DPF1: variants seen among roughly 807,000 people sequenced by gnomAD.
The protein encoded by DPF1 is double PHD fingers 1, also known as zinc finger protein neuro-d4.
DPF1 carries 14 observed loss-of-function variants against 58.7 expected under a neutral mutation model. The ratio of observed to expected loss-of-function variants is 0.24; its 90% confidence interval spans 0.16 to 0.37. The LOEUF (loss-of-function observed/expected upper bound fraction) is 0.37, where lower values mean the gene tolerates loss of function less well. Ranked by LOEUF, DPF1 falls within the 10% of genes least tolerant of loss-of-function variation. DPF1 has a pLI of 1.00. For missense variants in DPF1, 345 were observed against 529.9 expected (o/e 0.65, Z 3.43); for synonymous variants, 216 against 216.0 (o/e 1.00, Z 0.00).
intron 3 of DPF1, 98 bp from the exon 4 acceptor site, chr19:38,219,156 A>G (rs1318670890): frequency 2.0e-5 from 30 of 1,508,974 alleles, no homozygotes; most frequent in Non-Finnish European, 2.7e-5. Flanking sequence ...GCAGGAGGGA[A>G]GAGGCTGCAG....
chr19:38,214,011 A>C (rs1189571523), intron 9 of DPF1: 1 of 510,008 alleles, frequency 2.0e-6, no homozygotes, highest in African/African-American at 1.9e-5. Context: ...ACCGCATTCC[A>C]TTACCCACAG....
upstream of DPF1, among the ~76,000 whole-genome samples, chr19:38,229,204 A>G (rs1967946976): frequency 6.6e-6 from 1 of 152,032 alleles, no homozygotes; most frequent in African/African-American, 2.4e-5. The surrounding 1 kb of genome is among the most constrained non-coding windows in gnomAD (Gnocchi z 5.3). Context: ...TCGAGCTTTC[A>G]GCCCCGGCCG....
chr19:38,213,617 G>A, intron 10 of DPF1, 27 bp downstream of exon 10: 2 of 1,601,444 alleles, frequency 1.2e-6, no homozygotes, highest in Non-Finnish European at 1.7e-6. Context: ...CGGGCAGCAG[G>A]GCACGCGGGG....
rs1275958089 is a variant in DPF1, at chr19:38,217,494, G to A, written c.693C>T (p.His231=). Residue 231 remains histidine (H), a synonymous_variant, in exon 7 of 12, where the codon CAC becomes CAT. Transcript: ENST00000355526. ...TGTTTTTCCGGTGGAAGGGCAGGGCGTGGCGTTCGGCGTTCTCCTCCCCCT... is the reference window on the plus strand; with the variant it reads ...TGTTTTTCCGGTGGAAGGGCAGGGCATGGCGTTCGGCGTTCTCCTCCCCCT... ...EEEGEENAER[H]ALPFHRKNNH... is the part of the protein sequence containing the mutation. 5 of 1,551,244 alleles carry A rather than the reference G, an allele frequency of 3.2e-6. No homozygotes were observed. Among genetic ancestry groups the A allele is most frequent in the South Asian group, 1.2e-5 (1 of 84,044 alleles).
At chr19:38,220,364 G>A (rs1434280057) in intron 3 of DPF1, among the ~76,000 whole-genome samples, 1 of 152,138 alleles carries the variant, frequency 6.6e-6, no homozygotes, top group East Asian at 1.9e-4. Context: ...GCTCACGCCT[G>A]TAATCCCAGC....
Position 38,218,199 on chromosome 19 carries a change from CAAAAAAAAG to C in DPF1, c.517-332_517-324del, listed in dbSNP as rs907338877. ...CCTGTGACAGAGCGAGACTCCGTCT[CAAAAAAAAG>C]AAAAAAAAGAAAAAAGAAAGTGAGA... On this transcript the variant is annotated intron_variant, in intron 5 of 11. Coordinates refer to ENST00000355526, the MANE Select transcript of DPF1 (RefSeq NM_001135155.3). Among the ~76,000 whole-genome samples, 8 of 150,518 alleles carry C rather than the reference CAAAAAAAAG, an allele frequency of 5.3e-5. 1 individual carries two copies. The highest frequency in any genetic ancestry group is 4.2e-4 in the South Asian group (2 of 4,766).
chr19:38,222,442 G>A lies in DPF1; in HGVS notation c.213C>T (p.Tyr71=), dbSNP rs750232182. Residue 71 remains tyrosine (Y), a synonymous_variant, in exon 3 of 12, where the codon TAC becomes TAT. Transcript: ENST00000355526. The surrounding 1 kb of genome is among the most constrained non-coding windows in gnomAD (Gnocchi z 4.9). The part of the protein sequence containing the change: ...RGPGLAPGQI[Y]TYPARCWRKK... Reference sequence around the variant, plus strand: ...TCCTCCAACAGCGGGCGGGGTACGTGTAAATCTGTCCCGGGGCCAAACCTG... The same window carrying A: ...TCCTCCAACAGCGGGCGGGGTACGTATAAATCTGTCCCGGGGCCAAACCTG... The A allele has an allele frequency of 1.4e-5, 22 of 1,586,476 alleles. No individual in the cohort carries two copies. The highest frequency in any genetic ancestry group is 1.8e-5 in the Non-Finnish European group (21 of 1,172,122).
chr19:38,212,371 G>A lies in DPF1; in HGVS notation c.1012-10C>T. On this transcript the variant is annotated splice_polypyrimidine_tract_variant and intron_variant, in intron 10 of 11. Transcript: ENST00000355526. ...AAAACAGCAGCTGGTCCTGGGGGGTGAGACCCGCCCAGCTGGCACCCTGGG... is the reference window on the plus strand; with the variant it reads ...AAAACAGCAGCTGGTCCTGGGGGGTAAGACCCGCCCAGCTGGCACCCTGGG... 2.1e-6 allele frequency: 3 copies of A among 1,436,326 alleles called. No individual in the cohort carries two copies. Among genetic ancestry groups the A allele is most frequent in the South Asian group, 3.1e-5 (2 of 63,768 alleles). 89.0% of individuals were successfully genotyped at this position (1,436,326 alleles called of 1,614,324 possible).
chr19:38,222,273 A>C lies in DPF1; in HGVS notation c.298+84T>G. On this transcript the variant is annotated intron_variant, in intron 3 of 11. Coordinates refer to ENST00000355526, the MANE Select transcript of DPF1 (RefSeq NM_001135155.3). The surrounding 1 kb of genome is among the most constrained non-coding windows in gnomAD (Gnocchi z 4.9). ...ACAGCCAGCCAGGCAGACACTTGCT[A>C]GAAGGCGATAAAGGTGATGGACGAG... 1 of 1,193,806 alleles carries C rather than the reference A, an allele frequency of 8.4e-7. No individual in the cohort carries two copies. Among genetic ancestry groups the C allele is most frequent in the Non-Finnish European group, 1.2e-6 (1 of 843,316 alleles). 74.0% of individuals were successfully genotyped at this position (1,193,806 alleles called of 1,614,324 possible). A position where few individuals can be genotyped will look rare whatever the true frequency, so the allele number is the denominator to read the frequency against.
At chr19:38,214,344 A>G (rs1973692332) in intron 9 of DPF1, among the ~76,000 whole-genome samples, 1 of 152,212 alleles carries the variant, frequency 6.6e-6, no homozygotes, top group African/African-American at 2.4e-5. Context: ...CGCAGCCGCT[A>G]CCTGCAGCCA....
At chr19:38,223,298 CAA>C (rs1333135763) in intron 1 of DPF1, 1 of 152,968 alleles carries the variant, frequency 6.5e-6, no homozygotes, top group Admixed American at 6.5e-5. Flanking sequence ...ACAAGCATGT[CAA>C]AAGACAGGAA....
chr19:38,222,439 C>G lies in DPF1; in HGVS notation c.216G>C (p.Thr72=). ...GPGLAPGQIY[T]YPARCWRKKR... is the part of the protein sequence containing the mutation. ...TCTTCCTCCAACAGCGGGCGGGGTA[C>G]GTGTAAATCTGTCCCGGGGCCAAAC... The change falls in exon 3 of 12, where the codon ACG becomes ACC. Residue 72 remains threonine, a synonymous_variant. Transcript: ENST00000355526. The surrounding 1 kb of genome is among the most constrained non-coding windows in gnomAD (Gnocchi z 4.9). 1 of 1,582,164 alleles carries G rather than the reference C, an allele frequency of 6.3e-7. No individual in the cohort carries two copies. The highest frequency in any genetic ancestry group is 8.5e-7 in the Non-Finnish European group (1 of 1,170,440).
Position 38,224,059 on chromosome 19 carries a change from A to G in DPF1, c.29+55T>C. The G allele has an allele frequency of 6.8e-7, 1 of 1,466,732 alleles. No homozygotes were observed. The highest frequency in any genetic ancestry group is 2.9e-5 in the Admixed American group (1 of 34,864). 90.9% of individuals were successfully genotyped at this position (1,466,732 alleles called of 1,614,324 possible). ...CCACCCCCGGTCGCCACACACACAC[A>G]GGCCCGCGTAGACCCGCCCGCGCTT... On this transcript the variant is annotated intron_variant, in intron 1 of 11. Transcript: ENST00000355526. The surrounding 1 kb of genome is among the most constrained non-coding windows in gnomAD (Gnocchi z 4.5).
chr19:38,224,172 T>C lies in DPF1; in HGVS notation c.-30A>G. 1 of 1,436,172 alleles carries C rather than the reference T, an allele frequency of 7.0e-7. No homozygotes were observed. The highest frequency in any genetic ancestry group is 9.1e-7 in the Non-Finnish European group (1 of 1,096,336). 89.0% of individuals were successfully genotyped at this position (1,436,172 alleles called of 1,614,324 possible). On this transcript the variant is annotated 5_prime_UTR_variant, in exon 1 of 12. Transcript: ENST00000355526. This position sits in a 1 kb window ranked among gnomAD's most constrained non-coding sequence, Gnocchi z 4.5. ...CTCCCCGGGTCCTGCCCCCAGCAGG[T>C]CCCCGCCGGGTCGGTCCTCCCAGCG...
chr19:38,226,335 G>C (rs1967818193), upstream of DPF1, among the ~76,000 whole-genome samples: 1 of 140,374 alleles, frequency 7.1e-6, no homozygotes, highest in Non-Finnish European at 1.5e-5. Flanking sequence ...TGTAGAGCCA[G>C]CATTCAAATT....
chr19:38,219,315 C>A, intron 3 of DPF1: 2 of 505,658 alleles, frequency 4.0e-6, no homozygotes, highest in Non-Finnish European at 7.1e-6. Context: ...ACAGTTAGGC[C>A]ATCAGGCACA....
intron 7 of DPF1, 76 bp from the exon 8 acceptor site, chr19:38,216,479 G>A: frequency 6.7e-7 from 1 of 1,482,872 alleles, no homozygotes. Context: ...CAGCCCCAAG[G>A]ATGGACCTCT....
chr19:38,212,449 G>A, intron 10 of DPF1, 88 bp from the exon 11 acceptor site: 1 of 596,394 alleles, frequency 1.7e-6, no homozygotes, highest in Non-Finnish European at 3.0e-6. Flanking sequence ...CTAGGTCAAG[G>A]GGGCTGGGGG....
chr19:38,220,498 G>A (rs1268860774), intron 3 of DPF1, among the ~76,000 whole-genome samples: 3 of 151,664 alleles, frequency 2.0e-5, no homozygotes, highest in Non-Finnish European at 2.9e-5. Flanking sequence ...GCAGGCGCCT[G>A]TAGTCCCAGC....
Sources: allele counts gnomAD v4.1 joint callset (sites outside exome capture counted in the v4.1 genomes callset), GRCh38; gene constraint gnomAD v4.1.1; non-coding constraint Gnocchi (gnomAD v3.1); transcripts MANE v1.5; gene names NCBI Gene and HGNC (gene_info 2026-07-23, HGNC 2026-07-21).